FOXN3: variants seen among roughly 807,000 people sequenced by gnomAD.
FOXN3 encodes the protein forkhead box protein N3.
Under a neutral mutation model 38.4 loss-of-function variants are expected in FOXN3, and 7 were observed. The observed-to-expected ratio is 0.18, with a 90% CI of 0.10 to 0.34. The LOEUF (loss-of-function observed/expected upper bound fraction) is 0.34. FOXN3 is among the 10% of genes least tolerant of loss of function. The probability of loss-of-function intolerance (pLI) is 1.00; values close to 1 mark genes in which losing one functional copy is unlikely to be tolerated. For missense variants in FOXN3, 456 were observed against 613.4 expected, an observed-to-expected ratio of 0.74 and a Z score of 2.71; for synonymous variants, 230 against 242.2, an observed-to-expected ratio of 0.95 and a Z score of 0.47.
At chr14:89,338,513 G>C (rs1202445092) in intron 3 of FOXN3, among the ~76,000 whole-genome samples, 1 of 152,188 alleles carries the variant, frequency 6.6e-6, no homozygotes, top group Non-Finnish European at 1.5e-5. Context: ...TATGCAGCCG[G>C]CTGGGCGCGG....
chr14:89,498,352 A>G (rs919521063), intron 1 of FOXN3, among the ~76,000 whole-genome samples: 1 of 151,370 alleles, frequency 6.6e-6, no homozygotes, highest in African/African-American at 2.4e-5. Flanking sequence ...CCTCCAGAGT[A>G]GCTGGGACTA....
At chr14:89,274,153 A>G (rs897656175) in intron 4 of FOXN3, among the ~76,000 whole-genome samples, 3 of 152,166 alleles carry the variant, frequency 2.0e-5, no homozygotes, top group Admixed American at 6.5e-5. Context: ...AAATTCAAAC[A>G]AAACCTGGGA....
At chr14:89,560,396 T>C (rs920600876) in intron 1 of FOXN3, among the ~76,000 whole-genome samples, 6 of 152,076 alleles carry the variant, frequency 3.9e-5, no homozygotes, top group African/African-American at 1.4e-4. Flanking sequence ...GCAGAGAACA[T>C]GGAGGCCACC....
intron 3 of FOXN3, among the ~76,000 whole-genome samples, chr14:89,334,911 C>T (rs1009205870): frequency 2.0e-5 from 3 of 151,938 alleles, no homozygotes; most frequent in Admixed American, 2.0e-4. Context: ...GGATTACAGG[C>T]GTGCACCACC....
chr14:89,320,876 C>T (rs1319103109), intron 3 of FOXN3, among the ~76,000 whole-genome samples: 1 of 152,140 alleles, frequency 6.6e-6, no homozygotes, highest in East Asian at 1.9e-4. Context: ...CCAACACAAA[C>T]GGCAGACAGC....
At position 89,307,694 on chromosome 14, in the gene FOXN3, G is replaced by C. The variant is rs1887417521; in HGVS notation, c.681-26680C>G. On this transcript the variant is annotated intron_variant, in intron 3 of 5. Coordinates refer to ENST00000557258, the MANE Select transcript of FOXN3 (RefSeq NM_005197.4). ...GCTTATTCTTGGGAGACACGTGTTT[G>C]CATCCTATTACAACCCATAGTTTTT... is the stretch of plus-strand genomic sequence containing the variant. 5.3e-5 allele frequency among the ~76,000 whole-genome samples: 8 copies of C among 151,910 alleles called. No individual in the cohort carries two copies. The South Asian group carries it at 1.7e-3, about 31-fold the overall frequency.
chr14:89,455,053 G>C (rs1338660049), intron 1 of FOXN3, among the ~76,000 whole-genome samples: 1 of 152,222 alleles, frequency 6.6e-6, no homozygotes, highest in Non-Finnish European at 1.5e-5. Context: ...GAAGCGGCCA[G>C]TGTAATGGAC....
intron 3 of FOXN3, among the ~76,000 whole-genome samples, chr14:89,311,471 CAAAAAAAAAAAA>C (rs34367113): frequency 1.5e-5 from 1 of 66,044 alleles, no homozygotes; most frequent in African/African-American, 5.8e-5. Flanking sequence ...GACTCGGCCT[CAAAAAAAAAAAA>C]AAAAAAAAAA....
chr14:89,514,828 A>C (rs1290959242), intron 1 of FOXN3, among the ~76,000 whole-genome samples: 1 of 152,154 alleles, frequency 6.6e-6, no homozygotes, highest in Admixed American at 6.6e-5. Flanking sequence ...TGAAAAGAAG[A>C]GGAGAGGTCC....
intron 1 of FOXN3, among the ~76,000 whole-genome samples, chr14:89,515,977 T>C (rs1299799): frequency 0.87 from 131,709 of 152,120 alleles, 57,533 homozygotes; most frequent in Admixed American, 0.93. Context: ...GCCAGGGCTT[T>C]GGTCAAAAGC....
At chr14:89,543,968 G>A (rs993675575) in intron 1 of FOXN3, among the ~76,000 whole-genome samples, 1 of 152,160 alleles carries the variant, frequency 6.6e-6, no homozygotes, top group Admixed American at 6.5e-5. Flanking sequence ...ATGGAGCTTC[G>A]ATGTAATGGA....
At chr14:89,468,178 G>C (rs1893018932) in intron 1 of FOXN3, among the ~76,000 whole-genome samples, 1 of 151,794 alleles carries the variant, frequency 6.6e-6, no homozygotes. Flanking sequence ...TACAGGCTGG[G>C]CCCAGTGACT....
At chr14:89,365,811 CAATA>C (rs1002891753) in intron 2 of FOXN3, among the ~76,000 whole-genome samples, 8 of 152,138 alleles carry the variant, frequency 5.3e-5, no homozygotes, top group African/African-American at 1.4e-4. Flanking sequence ...CAAATGAACT[CAATA>C]TATTATGTGG....
At chr14:89,455,093 C>T (rs1892692312) in intron 1 of FOXN3, among the ~76,000 whole-genome samples, 2 of 152,184 alleles carry the variant, frequency 1.3e-5, no homozygotes, top group Non-Finnish European at 2.9e-5. Context: ...CAGGAATGTT[C>T]GCTCGGGCAG....
intron 4 of FOXN3, among the ~76,000 whole-genome samples, chr14:89,192,870 TTCCCACTGCCCCTGTGGC>T (rs1380669683): frequency 6.6e-6 from 1 of 151,164 alleles, no homozygotes; most frequent in African/African-American, 2.4e-5. Context: ...CTAAAAGTTC[TTCCCACTGCCCCTGTGGC>T]TCCCACTGCC....
At chr14:89,409,441 G>A (rs1449692206) in intron 2 of FOXN3, 1 of 152,210 alleles carries the variant, frequency 6.6e-6, no homozygotes, top group Non-Finnish European at 1.5e-5. Context: ...AAGGCTGACT[G>A]ATGAATAATG....
chr14:89,325,471 C>T (rs951404063), intron 3 of FOXN3, among the ~76,000 whole-genome samples: 1 of 152,114 alleles, frequency 6.6e-6, no homozygotes, highest in African/African-American at 2.4e-5. Context: ...GCTACTGGGG[C>T]CCTTTCTTCT....
chr14:89,209,359 A>G (rs145932471), intron 4 of FOXN3, among the ~76,000 whole-genome samples: 85 of 152,362 alleles, frequency 5.6e-4, no homozygotes, highest in African/African-American at 2.0e-3. Context: ...TTTTCCAATG[A>G]TATTTCAAAT....
intron 1 of FOXN3, among the ~76,000 whole-genome samples, chr14:89,593,922 C>T (rs536864152): frequency 2.0e-4 from 31 of 152,294 alleles, no homozygotes; most frequent in Non-Finnish European, 3.7e-4. Flanking sequence ...AGTTTCATCA[C>T]GTCTATTTTT....
Sources: gnomAD v4.1 joint callset for allele counts (sites outside exome capture counted in the v4.1 genomes callset) on GRCh38, gnomAD v4.1.1 for gene constraint, MANE v1.5 for transcripts, NCBI Gene and HGNC (gene_info 2026-07-23, HGNC 2026-07-21) for gene names.